Variants in RALGPS2 observed in about 807,000 individuals in gnomAD.
The protein encoded by RALGPS2 is Ral GEF with PH domain and SH3 binding motif 2.
RALGPS2 carries 43 observed loss-of-function variants against 86.8 expected under a neutral mutation model. The ratio of observed to expected loss-of-function variants is 0.50; its 90% confidence interval spans 0.39 to 0.64. The LOEUF (loss-of-function observed/expected upper bound fraction) is 0.64. RALGPS2 is among the 30% of genes least tolerant of loss of function. The pLI is 0.00. For missense variants in RALGPS2, 536 were observed against 694.6 expected (o/e 0.77, Z 2.57); for synonymous variants, 243 against 231.3 (o/e 1.05, Z -0.46).
At position 178,851,077 on chromosome 1, in the gene RALGPS2, A is replaced by G. The variant is rs1285146841; in HGVS notation, c.607+17527A>G. The G allele has an allele frequency of 6.1e-6, 9 of 1,487,202 alleles. No homozygotes were observed. In the Admixed American group the frequency reaches 1.7e-4, roughly 29 times the overall value. 92.1% of individuals were successfully genotyped at this position (1,487,202 alleles called of 1,614,324 possible). A position where few individuals can be genotyped will look rare whatever the true frequency, so the allele number is the denominator to read the frequency against. ...TATACATGTAACATTTACATTTTTA[A>G]GAGCTGAAAAGTACAAAGTTCTGTG... is the stretch of plus-strand genomic sequence containing the variant. On this transcript the variant is annotated intron_variant, in intron 8 of 19. Transcript: ENST00000367635.
intron 8 of RALGPS2, among the ~76,000 whole-genome samples, chr1:178,866,171 C>T (rs972592871): frequency 6.6e-6 from 1 of 152,040 alleles, no homozygotes; most frequent in African/African-American, 2.4e-5. Flanking sequence ...AAGCTCACTG[C>T]CTTAAGACTA....
chr1:178,838,329 C>T (rs776169982), intron 8 of RALGPS2, among the ~76,000 whole-genome samples: 23 of 152,208 alleles, frequency 1.5e-4, no homozygotes, highest in African/African-American at 2.2e-4. Flanking sequence ...GACGAAGCTT[C>T]TAGAGGAACA....
chr1:178,885,640 A>T (rs1659448837), intron 12 of RALGPS2: 2 of 202,548 alleles, frequency 9.9e-6, no homozygotes, highest in Admixed American at 5.9e-5. Context: ...GTTTTGCAGT[A>T]TTGTTTTTTC....
At chr1:178,885,044 C>A in intron 11 of RALGPS2, 32 bp from the exon 12 acceptor site, 1 of 1,536,312 alleles carries the variant, frequency 6.5e-7, no homozygotes, top group Non-Finnish European at 8.7e-7. Flanking sequence ...ATAAAGTAAT[C>A]ATTTGAAAAT....
intron 4 of RALGPS2, among the ~76,000 whole-genome samples, chr1:178,786,082 AT>A (rs1653636606): frequency 6.6e-6 from 1 of 152,142 alleles, no homozygotes; most frequent in Non-Finnish European, 1.5e-5. Context: ...GCGGATCATC[AT>A]AAAGGTCTTT....
At chr1:178,728,347 C>G (rs1650144214) in intron 1 of RALGPS2, among the ~76,000 whole-genome samples, 1 of 148,048 alleles carries the variant, frequency 6.8e-6, no homozygotes, top group African/African-American at 2.5e-5. Flanking sequence ...TTTATTGAAT[C>G]AAATTTGTTT....
chr1:178,812,863 T>G (rs1211432391), intron 6 of RALGPS2, among the ~76,000 whole-genome samples: 1 of 152,114 alleles, frequency 6.6e-6, no homozygotes, highest in Non-Finnish European at 1.5e-5. Context: ...TTCTACAAAT[T>G]TGATATTTTG....
At chr1:178,735,942 G>A (rs1650674381) in intron 1 of RALGPS2, among the ~76,000 whole-genome samples, 1 of 151,952 alleles carries the variant, frequency 6.6e-6, no homozygotes, top group Non-Finnish European at 1.5e-5. Flanking sequence ...GTATAACAGT[G>A]ATAGAGTTAA....
intron 1 of RALGPS2, among the ~76,000 whole-genome samples, chr1:178,759,822 A>G (rs995911377): frequency 6.6e-6 from 1 of 151,728 alleles, no homozygotes; most frequent in African/African-American, 2.4e-5. Context: ...GTTACTTCCT[A>G]TGTATTTAAT....
intron 4 of RALGPS2, among the ~76,000 whole-genome samples, chr1:178,805,676 T>G (rs1192348073): frequency 1.3e-5 from 2 of 152,184 alleles, no homozygotes; most frequent in African/African-American, 4.8e-5. Context: ...CTATTTTAAG[T>G]ATGATATGTT....
intron 1 of RALGPS2, among the ~76,000 whole-genome samples, chr1:178,757,228 A>G (rs1023504173): frequency 1.9e-4 from 29 of 152,228 alleles, no homozygotes; most frequent in African/African-American, 6.3e-4. Context: ...TTCTAGGTAT[A>G]GAATCACATA....
chr1:178,880,945 G>A (rs1337345910), intron 10 of RALGPS2, among the ~76,000 whole-genome samples: 1 of 152,110 alleles, frequency 6.6e-6, no homozygotes, highest in African/African-American at 2.4e-5. Context: ...ATTTTTGTAG[G>A]AAAGCTAATG....
At chr1:178,787,626 T>A (rs1653719454) in intron 4 of RALGPS2, among the ~76,000 whole-genome samples, 1 of 152,190 alleles carries the variant, frequency 6.6e-6, no homozygotes, top group Non-Finnish European at 1.5e-5. Flanking sequence ...ACTTCACATC[T>A]ATGGGAAATT....
intron 6 of RALGPS2, among the ~76,000 whole-genome samples, chr1:178,814,379 G>C (rs1031313031): frequency 2.0e-5 from 3 of 152,098 alleles, no homozygotes; most frequent in Admixed American, 1.3e-4. Flanking sequence ...CTTATGTGAC[G>C]GTTGAAGCCC....
At chr1:178,866,748 C>T (rs746219252) in intron 8 of RALGPS2, among the ~76,000 whole-genome samples, 64 of 152,232 alleles carry the variant, frequency 4.2e-4, no homozygotes, top group Non-Finnish European at 8.1e-4. Flanking sequence ...AGGTCTAGAT[C>T]GGATTCTCTG....
At chr1:178,788,864 TCTTTTCTTTTCTTTTCTTTCTTTCTTTC>T (rs1173927426) in intron 4 of RALGPS2, among the ~76,000 whole-genome samples, 1 of 149,256 alleles carries the variant, frequency 6.7e-6, no homozygotes, top group African/African-American at 2.5e-5. Flanking sequence ...TCTTTTCTTT[TCTTTTCTTTTCTTTTCTTTCTTTCTTTC>T]CTTTCTTTCT....
chr1:178,784,668 GCAAA>G (rs1416861236), intron 3 of RALGPS2, 146 bp downstream of exon 3: 5 of 547,342 alleles, frequency 9.1e-6, no homozygotes, highest in Non-Finnish European at 3.1e-6. Context: ...CAGCTGTGGA[GCAAA>G]CAGAGGGATG....
intron 8 of RALGPS2, among the ~76,000 whole-genome samples, chr1:178,856,234 T>TATATATATATATATATATACAC (rs1368301659): frequency 9.3e-5 from 12 of 128,774 alleles, no homozygotes; most frequent in African/African-American, 3.5e-4. Context: ...TATATATATA[T>TATATATATATATATATATACAC]GGTTTTGGGT....
chr1:178,727,594 G>A (rs1650097768), intron 1 of RALGPS2, among the ~76,000 whole-genome samples: 1 of 152,210 alleles, frequency 6.6e-6, no homozygotes. Flanking sequence ...TTGTGAGTCA[G>A]ATACATATGT....
Sources: gnomAD v4.1 joint callset for allele counts (sites outside exome capture counted in the v4.1 genomes callset) on GRCh38, gnomAD v4.1.1 for gene constraint, MANE v1.5 for transcripts, NCBI Gene and HGNC (gene_info 2026-07-23, HGNC 2026-07-21) for gene names.